Variants in AFAP1 observed in about 807,000 individuals in gnomAD.
AFAP1 encodes actin filament-associated protein 1.
AFAP1 carries 75 observed loss-of-function variants against 93.9 expected under a neutral mutation model. The ratio of observed to expected loss-of-function variants is 0.80; its 90% CI spans 0.66 to 0.97. The LOEUF (loss-of-function observed/expected upper bound fraction) is 0.97. AFAP1 is among the 50% of genes least tolerant of loss of function. The pLI, the probability that AFAP1 is intolerant of heterozygous loss-of-function variation, is 0.00. For synonymous variants in AFAP1, 517 were observed against 430.7 expected, an observed-to-expected ratio of 1.20 and a Z score of -2.48; for missense variants, 1,201 against 1,050.8, an observed-to-expected ratio of 1.14 and a Z score of -1.98.
At chr4:7,810,542 G>T (rs1356580393) in intron 8 of AFAP1, among the ~76,000 whole-genome samples, 1 of 152,172 alleles carries the variant, frequency 6.6e-6, no homozygotes, top group East Asian at 1.9e-4. Flanking sequence ...GGAGCCCCTC[G>T]GCCATCTGTG....
chr4:7,849,247 G>A (rs758904588), intron 4 of AFAP1, among the ~76,000 whole-genome samples: 6 of 152,138 alleles, frequency 3.9e-5, no homozygotes, highest in Admixed American at 2.0e-4. Flanking sequence ...GAGAGTGAGA[G>A]GCTGGCAGAA....
At chr4:7,797,391 C>G (rs1303707516) in intron 10 of AFAP1, among the ~76,000 whole-genome samples, 1 of 152,168 alleles carries the variant, frequency 6.6e-6, no homozygotes, top group Admixed American at 6.5e-5. Flanking sequence ...CCCAAGGGAT[C>G]AAAATTAACA....
rs1716780078 is a variant in AFAP1, at chr4:7,781,608, A to G, written c.1550T>C (p.Phe517Ser). 6.4e-7 allele frequency: 1 copy of G among 1,551,670 alleles called. No homozygotes were observed. Among genetic ancestry groups the G allele is most frequent in the African/African-American group, 1.4e-5 (1 of 73,040 alleles). The change falls in exon 13 of 18, where the codon TTT (phenylalanine) becomes TCT (serine). Residue 517 changes from phenylalanine (F) to serine (S), a missense_variant. Phe to Ser is a radical substitution (Grantham distance 155, BLOSUM62 -2). Transcript: ENST00000420658. Reference protein sequence around the residue: ...INGSWEPEDGFPASCSRGLGE... With the variant: ...INGSWEPEDGSPASCSRGLGE... ...CAAGCCTCTGCTGCAGGAAGCAGGA[A>G]AGCCGTCTTCCGGTTCCCACTGCAA...
intron 1 of AFAP1, among the ~76,000 whole-genome samples, chr4:7,883,419 A>C (rs551803073): frequency 4.6e-5 from 7 of 152,062 alleles, no homozygotes; most frequent in African/African-American, 1.7e-4. Flanking sequence ...ACCCACACCC[A>C]AAAAAACAGC....
At chr4:7,842,847 T>C in intron 5 of AFAP1, 1 of 354,354 alleles carries the variant, frequency 2.8e-6, no homozygotes, top group Non-Finnish European at 5.2e-6. Flanking sequence ...TAAAATCTTG[T>C]GCATTTCCAC....
At chr4:7,883,219 G>A (rs1489011212) in intron 1 of AFAP1, among the ~76,000 whole-genome samples, 4 of 148,434 alleles carry the variant, frequency 2.7e-5, no homozygotes, top group Admixed American at 6.7e-5. Flanking sequence ...AGGAGGAGGA[G>A]GAAAGACAGA....
At chr4:7,900,365 TGCGCATTTAGCA>T (rs1719049505) in intron 1 of AFAP1, among the ~76,000 whole-genome samples, 1 of 20,924 alleles carries the variant, frequency 4.8e-5, no homozygotes, top group African/African-American at 1.4e-4. Flanking sequence ...CACATTTAGC[TGCGCATTTAGCA>T]CAGCTAAAAT....
rs531169534 is a variant in AFAP1 at position 7,793,375 on chromosome 4, T to C, written c.1412+306A>G. On this transcript the variant is annotated intron_variant, in intron 11 of 17. Transcript: ENST00000420658. Reference sequence around the variant, plus strand: ...TAGAACACAGACACACCCATTCGTTTATGTACGGTGTCCAGCTGCAGCGGG... The same window carrying C: ...TAGAACACAGACACACCCATTCGTTCATGTACGGTGTCCAGCTGCAGCGGG... 2.6e-5 allele frequency among the ~76,000 whole-genome samples: 4 copies of C among 152,322 alleles called. No homozygotes were observed. In the South Asian group the frequency reaches 8.3e-4, roughly 32 times the overall value.
intron 1 of AFAP1, among the ~76,000 whole-genome samples, chr4:7,936,170 C>A (rs1336257826): frequency 6.6e-6 from 1 of 152,090 alleles, no homozygotes; most frequent in Admixed American, 6.6e-5. Context: ...TATTTTTAAT[C>A]CCTATAATCA....
At chr4:7,786,083 A>AT (rs1391245280) in intron 12 of AFAP1, 111 bp downstream of exon 12, 33 of 935,856 alleles carry the variant, frequency 3.5e-5, no homozygotes, top group Non-Finnish European at 5.0e-5. Context: ...GCCTCAGAGC[A>AT]TTAAAAAGCT....
At position 7,793,737 on chromosome 4, in the gene AFAP1, G is replaced by A. The variant is rs752623368; in HGVS notation, c.1356C>T (p.Asp452=). The change falls in exon 11 of 18, where the codon GAC becomes GAT. Residue 452 remains aspartate (D), a synonymous_variant. Coordinates refer to ENST00000420658, the MANE Select transcript of AFAP1 (RefSeq NM_001134647.2). ...TTGCAGACATCTCCACATCAATGTA[G>A]TCATAGTGCAGAGCCTCCGGGTCTG... The part of the protein sequence containing the change: ...SSTDPEALHY[D]YIDVEMSASV... 6.3e-7 allele frequency: 1 copy of A among 1,580,262 alleles called. No homozygotes were observed. Among genetic ancestry groups the A allele is most frequent in the Admixed American group, 1.7e-5 (1 of 59,664 alleles).
chr4:7,780,745 C>T (rs1298371286), intron 13 of AFAP1, among the ~76,000 whole-genome samples: 4 of 151,884 alleles, frequency 2.6e-5, no homozygotes, highest in African/African-American at 7.3e-5. Context: ...TTCAACATCA[C>T]GGTTATTATT....
intron 1 of AFAP1, among the ~76,000 whole-genome samples, chr4:7,909,505 T>C (rs1000053658): frequency 9.2e-5 from 14 of 152,180 alleles, no homozygotes; most frequent in African/African-American, 2.4e-4. Flanking sequence ...TATTGTTTCA[T>C]GAAGAAAAGG....
At chr4:7,882,721 T>C (rs916574583) in intron 1 of AFAP1, among the ~76,000 whole-genome samples, 2 of 152,040 alleles carry the variant, frequency 1.3e-5, no homozygotes, top group Non-Finnish European at 2.9e-5. Flanking sequence ...TAGCAGGGCG[T>C]GGTGGCACGT....
intron 4 of AFAP1, among the ~76,000 whole-genome samples, chr4:7,853,719 T>G (rs1207886632): frequency 6.6e-6 from 1 of 152,220 alleles, no homozygotes; most frequent in East Asian, 1.9e-4. Context: ...CATCTCAAAG[T>G]TCGTATCTAA....
At chr4:7,870,687 A>G (rs1240211602) in intron 2 of AFAP1, among the ~76,000 whole-genome samples, 1 of 152,052 alleles carries the variant, frequency 6.6e-6, no homozygotes, top group Admixed American at 6.6e-5. Flanking sequence ...ATTTCATATT[A>G]CCCCAGAATA....
chr4:7,896,875 G>A (rs891855247), intron 1 of AFAP1, among the ~76,000 whole-genome samples: 7 of 125,076 alleles, frequency 5.6e-5, no homozygotes, highest in East Asian at 2.7e-4. Flanking sequence ...GCCCCCAACC[G>A]CCCGGCAGCA....
At chr4:7,867,124 AG>A (rs1377074732) in intron 3 of AFAP1, among the ~76,000 whole-genome samples, 10 of 16,352 alleles carry the variant, frequency 6.1e-4, no homozygotes, top group African/African-American at 1.4e-3. Context: ...AGGGGAGGGT[AG>A]GGGAGCGGAG....
At chr4:7,878,562 A>G (rs1717658561) in intron 1 of AFAP1, among the ~76,000 whole-genome samples, 1 of 152,136 alleles carries the variant, frequency 6.6e-6, no homozygotes, top group African/African-American at 2.4e-5. Context: ...TCCCTTTACA[A>G]TACAGGCTCT....
Sources: gnomAD v4.1 joint callset for allele counts (sites outside exome capture counted in the v4.1 genomes callset) on GRCh38, gnomAD v4.1.1 for gene constraint, MANE v1.5 for transcripts, NCBI Gene and HGNC (gene_info 2026-07-23, HGNC 2026-07-21) for gene names.